C12orf42: variants seen among roughly 807,000 people sequenced by gnomAD.
C12orf42 encodes chromosome 12 open reading frame 42.
Under a neutral mutation model 21.6 loss-of-function variants are expected in C12orf42, and 25 were observed. That is an observed-to-expected ratio of 1.16 (90% confidence interval 0.84 to 1.62). The LOEUF (loss-of-function observed/expected upper bound fraction) is 1.62. Ranked by LOEUF, C12orf42 falls within the 40% of genes most tolerant of loss-of-function variation. The pLI is 0.00. For synonymous variants in C12orf42, 174 were observed against 175.0 expected, an observed-to-expected ratio of 0.99 and a Z score of 0.05; for missense variants, 483 against 459.3, an observed-to-expected ratio of 1.05 and a Z score of -0.47.
At chr12:103,379,963 A>G (rs1435128047) in intron 3 of C12orf42, among the ~76,000 whole-genome samples, 1 of 152,238 alleles carries the variant, frequency 6.6e-6, no homozygotes, top group African/African-American at 2.4e-5. Flanking sequence ...AATGCAGCTT[A>G]GCATTGGTTT....
chr12:103,324,607 C>T (rs1021649032), intron 4 of C12orf42, among the ~76,000 whole-genome samples: 18 of 152,076 alleles, frequency 1.2e-4, no homozygotes, highest in Non-Finnish European at 2.1e-4. Flanking sequence ...ATATTTTATG[C>T]GATTCCATAT....
At chr12:103,500,325 C>T (rs886798279), upstream of C12orf42, among the ~76,000 whole-genome samples, 1 of 150,458 alleles carries the variant, frequency 6.6e-6, no homozygotes, top group Non-Finnish European at 1.5e-5. Flanking sequence ...ACGATCAAAA[C>T]CATCATGACC....
chr12:103,500,816 T>C (rs1955700817), upstream of C12orf42, among the ~76,000 whole-genome samples: 1 of 152,214 alleles, frequency 6.6e-6, no homozygotes, highest in African/African-American at 2.4e-5. Context: ...TTATGTCAAA[T>C]TGAAGTGATA....
chr12:103,416,248 G>A (rs2049321648), intron 2 of C12orf42, among the ~76,000 whole-genome samples: 1 of 151,530 alleles, frequency 6.6e-6, no homozygotes, highest in Non-Finnish European at 1.5e-5. Flanking sequence ...AAAGGGTTGT[G>A]ACTCCCAGTT....
chr12:103,363,618 A>G (rs1407862746), intron 4 of C12orf42, among the ~76,000 whole-genome samples: 2 of 152,130 alleles, frequency 1.3e-5, no homozygotes, highest in Non-Finnish European at 2.9e-5. Context: ...GACACATAGG[A>G]CTCACACAAA....
chr12:103,530,222 CAG>C, the C12orf42 span, among the ~76,000 whole-genome samples: 1 of 152,148 alleles, frequency 6.6e-6, no homozygotes, highest in Admixed American at 6.5e-5. Context: ...GAAGTATCTG[CAG>C]AGTGTTCCTG....
intron 10 of C12orf42, among the ~76,000 whole-genome samples, chr12:103,255,996 C>T (rs1282960288): frequency 5.3e-4 from 69 of 131,322 alleles, no homozygotes; most frequent in Middle Eastern, 5.2e-3. Flanking sequence ...GAGCTTGCAG[C>T]GAGCCAAGAT....
chr12:103,501,722 G>A, the C12orf42 span, among the ~76,000 whole-genome samples: 7 of 152,248 alleles, frequency 4.6e-5, no homozygotes, highest in African/African-American at 7.2e-5. Context: ...TTAGGAAGCC[G>A]TGTAGAGCAA....
chr12:103,551,827 CAAT>C, the C12orf42 span, among the ~76,000 whole-genome samples: 1 of 151,036 alleles, frequency 6.6e-6, no homozygotes, highest in African/African-American at 2.4e-5. Flanking sequence ...AAACTAATAA[CAAT>C]AATAATAATA....
the C12orf42 span, among the ~76,000 whole-genome samples, chr12:103,061,942 A>G: frequency 1.3e-5 from 2 of 151,740 alleles, no homozygotes; most frequent in Non-Finnish European, 2.9e-5. Flanking sequence ...TGATTAGTCA[A>G]ATATTTTTCA....
intron 2 of C12orf42, among the ~76,000 whole-genome samples, chr12:103,439,663 A>T (rs1951042497): frequency 6.6e-6 from 1 of 151,676 alleles, no homozygotes; most frequent in Non-Finnish European, 1.5e-5. Context: ...AAAAATGCTC[A>T]TCATCACTGG....
At chr12:103,506,763 G>T in the C12orf42 span, among the ~76,000 whole-genome samples, 12 of 132,536 alleles carry the variant, frequency 9.1e-5, no homozygotes, top group African/African-American at 3.2e-4. Context: ...TAAAACAGGG[G>T]CTAGAAGAGG....
chr12:103,343,454 G>A (rs1254100213), intron 4 of C12orf42, among the ~76,000 whole-genome samples: 2 of 152,052 alleles, frequency 1.3e-5, no homozygotes, highest in African/African-American at 4.8e-5. Context: ...AAGCAATACA[G>A]TCAGCTGAGG....
chr12:103,136,058 C>G, the C12orf42 span, among the ~76,000 whole-genome samples: 1 of 152,074 alleles, frequency 6.6e-6, no homozygotes, highest in Non-Finnish European at 1.5e-5. Context: ...AGCAATCAGT[C>G]AAGAGGCAAA....
chr12:103,207,823 A>C, the C12orf42 span, among the ~76,000 whole-genome samples: 2 of 152,220 alleles, frequency 1.3e-5, no homozygotes, highest in South Asian at 4.1e-4. Context: ...CCACCACAAC[A>C]TAAAAAGGCT....
chr12:103,556,554 G>A, the C12orf42 span, among the ~76,000 whole-genome samples: 1 of 152,166 alleles, frequency 6.6e-6, no homozygotes, highest in Non-Finnish European at 1.5e-5. Flanking sequence ...CAGAAAGGGA[G>A]CAATCTAGTA....
intron 3 of C12orf42, among the ~76,000 whole-genome samples, chr12:103,388,957 T>C (rs2046848370): frequency 6.6e-6 from 1 of 152,194 alleles, no homozygotes; most frequent in African/African-American, 2.4e-5. Context: ...ATAAGCAAGC[T>C]TGGGTATGGG....
intron 2 of C12orf42, among the ~76,000 whole-genome samples, chr12:103,417,277 G>T (rs1249092744): frequency 6.6e-6 from 1 of 152,172 alleles, no homozygotes; most frequent in East Asian, 1.9e-4. Context: ...TAATTATCTT[G>T]TAGCACTAAC....
At chr12:103,322,620 G>A (rs548320157) in intron 4 of C12orf42, among the ~76,000 whole-genome samples, 54 of 152,142 alleles carry the variant, frequency 3.5e-4, no homozygotes, top group African/African-American at 9.6e-4. Flanking sequence ...TTTGGCCAGC[G>A]TACTTCAGAT....
Sources: gnomAD v4.1 joint callset for allele counts (sites outside exome capture counted in the v4.1 genomes callset) on GRCh38, gnomAD v4.1.1 for gene constraint, MANE v1.5 for transcripts, NCBI Gene and HGNC (gene_info 2026-07-23, HGNC 2026-07-21) for gene names.